The following NEIL2 variants were observed in gnomAD, a reference collection of about 807,000 sequenced individuals.
NEIL2 encodes nei like DNA glycosylase 2.
In NEIL2, 23 loss-of-function variants were observed where a neutral mutation model predicts 22.2. That is an observed-to-expected ratio of 1.04 (90% CI 0.75 to 1.47). The LOEUF is 1.47. NEIL2 is among the 40% of genes most tolerant of loss of function. NEIL2 has a pLI of 0.00. For synonymous variants in NEIL2, 229 were observed against 164.8 expected (o/e 1.39, Z -2.99); for missense variants, 583 against 404.7 (o/e 1.44, Z -3.78).
chr8:11,783,276 G>T lies in NEIL2; in HGVS notation c.565G>T (p.Val189Leu). 1 of 1,614,230 alleles carries T rather than the reference G, an allele frequency of 6.2e-7. No individual in the cohort carries two copies. The highest frequency in any genetic ancestry group is 1.1e-5 in the South Asian group (1 of 91,088). The change falls in exon 4 of 5, where the codon GTG (valine) becomes TTG (leucine). Residue 189 changes from valine (V) to leucine (L), a missense_variant. Val to Leu is a conservative substitution (Grantham distance 32). Transcript: ENST00000284503. ...NCQLSWSSSP[V>L]VTPTCDILSE... is the part of the protein sequence containing the mutation. ...TCAGTTGTCTTGGAGCTCTTCCCCA[G>T]TGGTCACACCCACCTGTGACATCCT...
At chr8:11,778,421 G>A (rs1585760215) in intron 2 of NEIL2, among the ~76,000 whole-genome samples, 1 of 151,764 alleles carries the variant, frequency 6.6e-6, no homozygotes, top group African/African-American at 2.4e-5. Flanking sequence ...TTTGGGTGGA[G>A]GACTTCAAGA....
intron 4 of NEIL2, 98 bp from the exon 5 acceptor site, chr8:11,785,865 A>T (rs1804881465): frequency 1.8e-6 from 2 of 1,108,744 alleles, no homozygotes; most frequent in Non-Finnish European, 2.8e-6. Flanking sequence ...GTCCCCCAGG[A>T]CATGGAAGAG....
intron 2 of NEIL2, among the ~76,000 whole-genome samples, chr8:11,776,933 G>C (rs551822219): frequency 6.6e-6 from 1 of 152,258 alleles, no homozygotes; most frequent in East Asian, 1.9e-4. Flanking sequence ...GGTTTGTTGG[G>C]AGTAGTGCTA....
chr8:11,785,661 C>T (rs1186636036), intron 4 of NEIL2, among the ~76,000 whole-genome samples: 1 of 152,166 alleles, frequency 6.6e-6, no homozygotes, highest in Non-Finnish European at 1.5e-5. Flanking sequence ...TTGTCAGGGT[C>T]ACGTGGGTAG....
At position 11,785,070 on chromosome 8, in the gene NEIL2, C is replaced by G. The variant is rs8191657; in HGVS notation, c.689-893C>G. Among the ~76,000 whole-genome samples, 419 of 152,310 alleles carry G rather than the reference C, an allele frequency of 2.8e-3. 11 individuals are homozygous for G. The highest frequency in any genetic ancestry group is 0.026 in the Admixed American group (396 of 15,302). On this transcript the variant is annotated intron_variant, in intron 4 of 4. Coordinates refer to ENST00000284503, the MANE Select transcript of NEIL2 (RefSeq NM_145043.4). ...TTTTTGTAGAGACAAGAAGCTCTCACTGTGTTGCCCAGGCTGGTCTTGAAC... is the reference window on the plus strand; with the variant it reads ...TTTTTGTAGAGACAAGAAGCTCTCAGTGTGTTGCCCAGGCTGGTCTTGAAC...
chr8:11,777,386 T>C (rs1803997979), intron 2 of NEIL2, among the ~76,000 whole-genome samples: 1 of 151,980 alleles, frequency 6.6e-6, no homozygotes, highest in Admixed American at 6.6e-5. Flanking sequence ...AAAATTGTGA[T>C]GAAAAACACA....
In NEIL2 at chr8:11,779,722, A is replaced by G. The variant is rs747314322; in HGVS notation, c.263A>G (p.Gln88Arg). ...AAGGAAGGGGCTGCGGACCCAAAGC[A>G]GGTCGGGGAGCCCAGCGGGCAGAAG... ...VQKEGAADPK[Q>R]VGEPSGQKTL... Residue 88 changes from glutamine (Q) to arginine (R), a missense_variant, in exon 3 of 5, where the codon CAG becomes CGG. Coordinates refer to ENST00000284503, the MANE Select transcript of NEIL2 (RefSeq NM_145043.4). The G allele has an allele frequency of 6.2e-7, 1 of 1,614,210 alleles. No individual in the cohort carries two copies. Among genetic ancestry groups the G allele is most frequent in the East Asian group, 2.2e-5 (1 of 44,878 alleles).
intron 4 of NEIL2, among the ~76,000 whole-genome samples, chr8:11,784,302 G>T (rs1477314529): frequency 6.6e-6 from 1 of 152,228 alleles, no homozygotes; most frequent in Non-Finnish European, 1.5e-5. Context: ...AGAGCTAACA[G>T]TAACAGTAGT....
intron 2 of NEIL2, among the ~76,000 whole-genome samples, chr8:11,774,192 A>T (rs1025535009): frequency 6.6e-5 from 10 of 152,152 alleles, no homozygotes; most frequent in Non-Finnish European, 1.2e-4. Flanking sequence ...CCTGGCCAAC[A>T]TGTTAAACCC....
At chr8:11,781,387 A>G (rs966521028) in intron 3 of NEIL2, among the ~76,000 whole-genome samples, 7 of 152,182 alleles carry the variant, frequency 4.6e-5, no homozygotes, top group Admixed American at 2.0e-4. Context: ...ACCAGCAGCA[A>G]GAGGCTACTG....
At chr8:11,784,910 C>T (rs1804758260) in intron 4 of NEIL2, among the ~76,000 whole-genome samples, 1 of 152,150 alleles carries the variant, frequency 6.6e-6, no homozygotes, top group South Asian at 2.1e-4. Context: ...TCTCTGTCAC[C>T]CAGGCCAGAG....
intron 2 of NEIL2, among the ~76,000 whole-genome samples, chr8:11,774,168 G>A (rs1207620576): frequency 1.3e-5 from 2 of 152,154 alleles, no homozygotes; most frequent in Non-Finnish European, 2.9e-5. Context: ...CTGAGGTCAG[G>A]AGTTTGAGAC....
intron 4 of NEIL2, among the ~76,000 whole-genome samples, chr8:11,785,266 G>T (rs1804802439): frequency 6.6e-6 from 1 of 152,160 alleles, no homozygotes; most frequent in Non-Finnish European, 1.5e-5. Flanking sequence ...CACAATCTCA[G>T]ATTACTGCAA....
In NEIL2 at chr8:11,779,649, C is replaced by T; in HGVS notation, c.190C>T (p.Pro64Ser). Residue 64 changes from proline to serine, a missense_variant, in exon 3 of 5, where the codon CCC becomes TCC. Transcript: ENST00000284503. Reference sequence around the variant, plus strand: ...ATTTGATCTAGATGAAGAAATGGGGCCCCCTGGCAGCAGCCCAACACCAGA... The same window carrying T: ...ATTTGATCTAGATGAAGAAATGGGGTCCCCTGGCAGCAGCCCAACACCAGA... ...LRFDLDEEMG[P>S]PGSSPTPEPP... The T allele has an allele frequency of 6.2e-7, 1 of 1,613,478 alleles. No homozygotes were observed. Among genetic ancestry groups the T allele is most frequent in the Non-Finnish European group, 8.5e-7 (1 of 1,179,840 alleles).
chr8:11,778,721 A>G (rs1051644271), intron 2 of NEIL2, among the ~76,000 whole-genome samples: 3 of 152,060 alleles, frequency 2.0e-5, no homozygotes, highest in Non-Finnish European at 4.4e-5. Context: ...GGAGGCCAAG[A>G]CGGGCAGATC....
intron 2 of NEIL2, 28 bp from the exon 3 acceptor site, chr8:11,779,570 G>T: frequency 6.5e-7 from 1 of 1,543,378 alleles, no homozygotes; most frequent in Non-Finnish European, 8.9e-7. Flanking sequence ...GGGTCTGTAA[G>T]GCTTGGATCT....
At chr8:11,779,057 T>C (rs1052789213) in intron 2 of NEIL2, among the ~76,000 whole-genome samples, 2 of 151,738 alleles carry the variant, frequency 1.3e-5, no homozygotes, top group African/African-American at 4.8e-5. Flanking sequence ...CTTTGCCTTA[T>C]ACTTTTTAGA....
rs539703714 is a variant in NEIL2 at position 11,786,669 on chromosome 8, T to A, written c.*396T>A. The stretch of plus-strand genomic sequence containing the variant: ...TGGTTGTTTGTTTTGAGAGAGAGTC[T>A]TGCTCTGTCTCCCTGGCTAGGGTGT... On this transcript the variant is annotated 3_prime_UTR_variant, in exon 5 of 5. Coordinates refer to ENST00000284503, the MANE Select transcript of NEIL2 (RefSeq NM_145043.4). 1 of 272,996 alleles carries A rather than the reference T, an allele frequency of 3.7e-6. No homozygotes were observed. Among genetic ancestry groups the A allele is most frequent in the Non-Finnish European group, 7.1e-6 (1 of 141,812 alleles). 16.9% of individuals were successfully genotyped at this position (272,996 alleles called of 1,614,324 possible).
intron 3 of NEIL2, among the ~76,000 whole-genome samples, chr8:11,781,644 C>G (rs1336341864): frequency 6.6e-6 from 1 of 152,212 alleles, no homozygotes; most frequent in Non-Finnish European, 1.5e-5. Flanking sequence ...ATTTTTAAAT[C>G]TCTTTTTACC....
Sources: allele counts gnomAD v4.1 joint callset (sites outside exome capture counted in the v4.1 genomes callset), GRCh38; gene constraint gnomAD v4.1.1; transcripts MANE v1.5; gene names NCBI Gene and HGNC (gene_info 2026-07-23, HGNC 2026-07-21).